STS: variants seen among roughly 807,000 people sequenced by gnomAD.
STS encodes the protein steroid sulfatase.
In STS, 7 loss-of-function variants were observed where a neutral mutation model predicts 26.8. The ratio of observed to expected loss-of-function variants is 0.26; its 90% CI spans 0.15 to 0.49. STS has a LOEUF of 0.49. Ranked by LOEUF, STS falls within the 20% of genes least tolerant of loss-of-function variation. The pLI is 0.98. For missense variants in STS, 434 were observed against 465.6 expected, an observed-to-expected ratio of 0.93 and a Z score of 0.63; for synonymous variants, 199 against 189.4, an observed-to-expected ratio of 1.05 and a Z score of -0.42.
intron 2 of STS, among the ~76,000 whole-genome samples, chrX:7,222,193 T>C (rs1254870538): frequency 8.9e-6 from 1 of 112,014 alleles, no homozygotes; most frequent in Non-Finnish European, 1.9e-5. Flanking sequence ...GTGAGCAATA[T>C]ATTTCTGTTG....
At chrX:7,311,495 T>C (rs1166545722) in intron 8 of STS, among the ~76,000 whole-genome samples, 20 of 111,671 alleles carry the variant, frequency 1.8e-4, no homozygotes, top group African/African-American at 6.5e-4. Flanking sequence ...CCTTGACTTG[T>C]AGATGTGTCA....
chrX:7,218,181 A>G (rs1200932824), intron 2 of STS, among the ~76,000 whole-genome samples: 6 of 112,604 alleles, frequency 5.3e-5, no homozygotes, highest in Middle Eastern at 4.6e-3. Flanking sequence ...CATTCCCCAC[A>G]TTGTTGAATT....
At chrX:7,255,708 AG>A (rs1298213451) in intron 3 of STS, among the ~76,000 whole-genome samples, 2 of 112,507 alleles carry the variant, frequency 1.8e-5, no homozygotes, top group East Asian at 5.5e-4. Context: ...GACACTAGGA[AG>A]ATTAATTCAA....
rs184095417 is a variant in STS, at chrX:7,341,671, C to T, written c.1363+7564C>T. Among the ~76,000 whole-genome samples, 330 of 111,842 alleles carry T rather than the reference C, an allele frequency of 3.0e-3. 4 individuals are homozygous for T. Among genetic ancestry groups the T allele is most frequent in the Admixed American group, 0.027 (290 of 10,561 alleles). ...TTGTGTGATTTCAGGCAGGATGCTCCGGGTAGGTCCCGAGGGGACTGTGGA... is the reference window on the plus strand; with the variant it reads ...TTGTGTGATTTCAGGCAGGATGCTCTGGGTAGGTCCCGAGGGGACTGTGGA... On this transcript the variant is annotated intron_variant, in intron 10 of 10. Coordinates refer to ENST00000674429, the MANE Select transcript of STS (RefSeq NM_001320752.2).
chrX:7,281,859 A>G (rs1485040934), intron 7 of STS, among the ~76,000 whole-genome samples: 1 of 112,362 alleles, frequency 8.9e-6, no homozygotes, highest in Non-Finnish European at 1.9e-5. Flanking sequence ...GTAGCATGCA[A>G]TGAATAACCC....
rs753161691 is a variant in STS, at chrX:7,298,454, T to A, written c.944-6592T>A. Among the ~76,000 whole-genome samples the A allele has an allele frequency of 5.6e-3, 626 of 111,793 alleles. 5 individuals are homozygous for A. The highest frequency in any genetic ancestry group is 8.2e-3 in the Non-Finnish European group (437 of 53,137). ...AAGTACTAGATTGAATTCACCTATA[T>A]GAAATGGACATTGTATCAAACTGGA... On this transcript the variant is annotated intron_variant, in intron 7 of 10. Transcript: ENST00000674429.
chrX:7,198,921 T>G (rs1230955505), intron 2 of STS, among the ~76,000 whole-genome samples: 1 of 112,200 alleles, frequency 8.9e-6, no homozygotes, highest in Non-Finnish European at 1.9e-5. Flanking sequence ...CAGCAAGTTT[T>G]TTTTTTTTTC....
intron 8 of STS, among the ~76,000 whole-genome samples, chrX:7,305,478 G>T (rs1222269790): frequency 1.8e-5 from 2 of 112,345 alleles, no homozygotes; most frequent in Non-Finnish European, 3.8e-5. Flanking sequence ...CCTATGTGTA[G>T]ATTTCCTGTC....
chrX:7,175,537 C>G (rs1202768375), intron 1 of STS, among the ~76,000 whole-genome samples: 1 of 110,946 alleles, frequency 9.0e-6, no homozygotes, highest in African/African-American at 3.3e-5. Context: ...TACATATCAG[C>G]TTCTCTACTC....
intron 8 of STS, among the ~76,000 whole-genome samples, chrX:7,307,612 G>A (rs2147142425): frequency 8.9e-6 from 1 of 112,182 alleles, no homozygotes; most frequent in South Asian, 3.7e-4. Flanking sequence ...ACATCCCAAA[G>A]AAGGGCGCCC....
chrX:7,262,290 T>C (rs1923785851), intron 6 of STS, among the ~76,000 whole-genome samples: 1 of 111,594 alleles, frequency 9.0e-6, no homozygotes, highest in Non-Finnish European at 1.9e-5. Context: ...GTTGCTAATA[T>C]CTTGTGGTTC....
chrX:7,186,057 G>C (rs756271243), intron 1 of STS, among the ~76,000 whole-genome samples: 2 of 111,892 alleles, frequency 1.8e-5, no homozygotes, highest in Non-Finnish European at 3.8e-5. Context: ...TGTTTATTCA[G>C]TCGTAAAAGC....
intron 10 of STS, among the ~76,000 whole-genome samples, chrX:7,342,888 G>T (rs1234152354): frequency 1.8e-5 from 2 of 111,646 alleles, no homozygotes; most frequent in Non-Finnish European, 3.8e-5. Context: ...GTATCTGGAT[G>T]AGACTAGGGT....
chrX:7,163,458 T>G (rs1384522583), intron 1 of STS, among the ~76,000 whole-genome samples: 7 of 112,289 alleles, frequency 6.2e-5, no homozygotes, highest in Non-Finnish European at 1.3e-4. Context: ...CACAGCTGGT[T>G]TGACCTGGGT....
intron 8 of STS, among the ~76,000 whole-genome samples, chrX:7,322,844 A>G (rs1367476466): frequency 8.9e-6 from 1 of 111,991 alleles, no homozygotes; most frequent in African/African-American, 3.2e-5. Flanking sequence ...TTCAGTGACC[A>G]TCTTCTGAGA....
intron 8 of STS, among the ~76,000 whole-genome samples, chrX:7,324,621 G>T (rs1346080775): frequency 9.0e-6 from 1 of 111,308 alleles, no homozygotes; most frequent in African/African-American, 3.3e-5. Context: ...CAGTCTTAAG[G>T]TCTGTGTTTT....
At chrX:7,231,832 T>C (rs1344997134) in intron 2 of STS, among the ~76,000 whole-genome samples, 1 of 68,624 alleles carries the variant, frequency 1.5e-5, no homozygotes, top group East Asian at 4.2e-4. Context: ...CTAATAAATC[T>C]GCTTTTTTTT....
intron 10 of STS, among the ~76,000 whole-genome samples, chrX:7,344,397 G>A (rs754616203): frequency 1.8e-5 from 2 of 111,326 alleles, no homozygotes; most frequent in Admixed American, 9.5e-5. Flanking sequence ...TGTGTCTTCC[G>A]ACACGGCCAG....
chrX:7,164,194 A>G (rs1183440811), intron 1 of STS, among the ~76,000 whole-genome samples: 2 of 111,718 alleles, frequency 1.8e-5, no homozygotes, highest in Non-Finnish European at 1.9e-5. Flanking sequence ...ATTATATATG[A>G]CATGAGATAT....
Sources: gnomAD v4.1 joint callset for allele counts (sites outside exome capture counted in the v4.1 genomes callset) on GRCh38, gnomAD v4.1.1 for gene constraint, MANE v1.5 for transcripts, NCBI Gene and HGNC (gene_info 2026-07-23, HGNC 2026-07-21) for gene names.